The following ZNF845 variants were observed in gnomAD, a reference collection of about 807,000 sequenced individuals.
ZNF845 encodes zinc finger protein 845.
A neutral mutation model predicts 76.1 loss-of-function variants in ZNF845; 59 were observed. The observed-to-expected ratio is 0.78, with a 90% confidence interval of 0.63 to 0.96. ZNF845 has a LOEUF of 0.96. Among genes scored for constraint, ZNF845 ranks in the 40% least tolerant of loss-of-function variants. The probability of loss-of-function intolerance (pLI) is 0.00; values close to 1 mark genes in which losing one functional copy is unlikely to be tolerated. For missense variants in ZNF845, 1,045 were observed against 1,172.8 expected (o/e 0.89, Z 1.59); for synonymous variants, 361 against 386.9 (o/e 0.93, Z 0.78).
chr19:53,351,932 C>T lies in ZNF845; in HGVS notation c.1257C>T (p.Thr419=). Residue 419 remains threonine (T), a synonymous_variant, in exon 4 of 4, where the codon ACC becomes ACT. Transcript: ENST00000458035. ...KPYKCNDCGK[T]FSQMSSLVYH... is the part of the protein sequence containing the mutation. ...ATAAGTGTAATGATTGTGGCAAGAC[C>T]TTCAGTCAGATGTCATCCCTTGTAT... The T allele has an allele frequency of 6.2e-7, 1 of 1,613,472 alleles. No homozygotes were observed. Among genetic ancestry groups the T allele is most frequent in the Non-Finnish European group, 8.5e-7 (1 of 1,179,886 alleles).
chr19:53,352,360 G>T lies in ZNF845; in HGVS notation c.1685G>T (p.Gly562Val). 1.9e-6 allele frequency: 3 copies of T among 1,613,608 alleles called. No individual in the cohort carries two copies. Among genetic ancestry groups the T allele is most frequent in the Non-Finnish European group, 2.5e-6 (3 of 1,179,836 alleles). The change falls in exon 4 of 4, where the codon GGG becomes GTG. Residue 562 changes from glycine (G) to valine (V), a missense_variant. Transcript: ENST00000458035. ...AATGAGTGTGGCAAAGCCTTTCGTG[G>T]GCAGTCAGCACTTATTTACCATCAA... ...QCNECGKAFR[G>V]QSALIYHQAI... is the part of the protein sequence containing the mutation.
At chr19:53,342,749 G>T (rs2085265631) in intron 2 of ZNF845, among the ~76,000 whole-genome samples, 1 of 152,142 alleles carries the variant, frequency 6.6e-6, no homozygotes, top group Non-Finnish European at 1.5e-5. Context: ...GTAAAGTAGG[G>T]TCATCAGGGT....
chr19:53,353,313 C>G lies in ZNF845; in HGVS notation c.2638C>G (p.Leu880Val). ...AGCAAACCTTTCACGTCATCATAGACTTCATACTGGAGAGAAACCTTACAA... is the reference window on the plus strand; with the variant it reads ...AGCAAACCTTTCACGTCATCATAGAGTTCATACTGGAGAGAAACCTTACAA... Reference protein sequence around the residue: ...RKANLSRHHRLHTGEKPYKCN... With the variant: ...RKANLSRHHRVHTGEKPYKCN... The change falls in exon 4 of 4, where the codon CTT becomes GTT. Residue 880 changes from leucine to valine, a missense_variant. Transcript: ENST00000458035. 1 of 1,606,002 alleles carries G rather than the reference C, an allele frequency of 6.2e-7. No individual in the cohort carries two copies. The highest frequency in any genetic ancestry group is 8.5e-7 in the Non-Finnish European group (1 of 1,177,544).
At position 53,352,384 on chromosome 19, in the gene ZNF845, A is replaced by G; in HGVS notation, c.1709A>G (p.Gln570Arg). The change falls in exon 4 of 4, where the codon CAA becomes CGA. Residue 570 changes from glutamine to arginine, a missense_variant. Physicochemically the swap from Gln to Arg is conservative, Grantham distance 43. Transcript: ENST00000458035. The stretch of plus-strand genomic sequence containing the variant: ...GGGCAGTCAGCACTTATTTACCATC[A>G]AGCAATCCATGGTATAGGGAAACTT... ...FRGQSALIYH[Q>R]AIHGIGKLYK... The G allele has an allele frequency of 6.2e-7, 1 of 1,613,718 alleles. No homozygotes were observed. Among genetic ancestry groups the G allele is most frequent in the Non-Finnish European group, 8.5e-7 (1 of 1,179,798 alleles).
In ZNF845 at chr19:53,341,294, C is replaced by T. The variant is rs2085254866; in HGVS notation, c.-14C>T. Reference sequence around the variant, plus strand: ...GAAACCCGGAAGAGGAAGAGGAAAGCAAAGGAGTCAGGGATGGCTCTTTCT... The same window carrying T: ...GAAACCCGGAAGAGGAAGAGGAAAGTAAAGGAGTCAGGGATGGCTCTTTCT... On this transcript the variant is annotated 5_prime_UTR_variant, in exon 2 of 4. Coordinates refer to ENST00000458035, the MANE Select transcript of ZNF845 (RefSeq NM_138374.3). 6.2e-7 allele frequency: 1 copy of T among 1,613,934 alleles called. No homozygotes were observed. Among genetic ancestry groups the T allele is most frequent in the East Asian group, 2.2e-5 (1 of 44,866 alleles).
At chr19:53,347,722 T>C (rs1236699788) in intron 3 of ZNF845, among the ~76,000 whole-genome samples, 5 of 152,364 alleles carry the variant, frequency 3.3e-5, no homozygotes. Flanking sequence ...GAGATGTTCC[T>C]GTTCCTGTCT....
At chr19:53,349,089 A>G (rs1288908427) in intron 3 of ZNF845, among the ~76,000 whole-genome samples, 1 of 151,646 alleles carries the variant, frequency 6.6e-6, no homozygotes, top group African/African-American at 2.4e-5. Flanking sequence ...TGAACTCCTG[A>G]CCTTGTATCC....
rs940664422 is a variant in ZNF845 at position 53,345,479 on chromosome 19, T to G, written c.16-27T>G. 4.3e-6 allele frequency: 7 copies of G among 1,613,374 alleles called. No individual in the cohort carries two copies. In the African/African-American group the frequency reaches 6.7e-5, roughly 15 times the overall value. ...AAGATAAGAACTCCTCCCATAACCA[T>G]TTCCTTAAAATGTGTTTTCATTTCA... On this transcript the variant is annotated intron_variant, in intron 2 of 3. Coordinates refer to ENST00000458035, the MANE Select transcript of ZNF845 (RefSeq NM_138374.3).
intron 1 of ZNF845, among the ~76,000 whole-genome samples, chr19:53,338,187 T>C (rs939261383): frequency 6.6e-6 from 1 of 152,164 alleles, no homozygotes; most frequent in Non-Finnish European, 1.5e-5. Flanking sequence ...ACATTTCTTC[T>C]GGAAATTTCA....
chr19:53,345,729 G>A, intron 3 of ZNF845, 97 bp downstream of exon 3: 2 of 1,574,472 alleles, frequency 1.3e-6, no homozygotes, highest in South Asian at 1.2e-5. Flanking sequence ...GTCACCCAGG[G>A]TGGAGTGAAA....
chr19:53,351,936 A>G lies in ZNF845; in HGVS notation c.1261A>G (p.Ser421Gly), dbSNP rs754719954. Residue 421 changes from serine (S) to glycine (G), a missense_variant, in exon 4 of 4, where the codon AGT becomes GGT. Ser to Gly is a moderately conservative substitution (Grantham distance 56, BLOSUM62 0). Transcript: ENST00000458035. ...YKCNDCGKTF[S>G]QMSSLVYHRR... ...GTGTAATGATTGTGGCAAGACCTTC[A>G]GTCAGATGTCATCCCTTGTATACCA... is the stretch of plus-strand genomic sequence containing the variant. 9.3e-6 allele frequency: 15 copies of G among 1,613,792 alleles called. No homozygotes were observed. The highest frequency in any genetic ancestry group is 1.3e-5 in the Non-Finnish European group (15 of 1,179,944).
chr19:53,351,188 T>G lies in ZNF845; in HGVS notation c.513T>G (p.Ala171=). 1 of 1,614,230 alleles carries G rather than the reference T, an allele frequency of 6.2e-7. No individual in the cohort carries two copies. ...GNQVEKSINS[A]SLVSTSQRIS... ...AAGTTGAGAAGTCTATCAACAGTGCTTCGTTGGTTTCAACATCCCAAAGAA... is the reference window on the plus strand; with the variant it reads ...AAGTTGAGAAGTCTATCAACAGTGCGTCGTTGGTTTCAACATCCCAAAGAA... The change falls in exon 4 of 4, where the codon GCT becomes GCG. Residue 171 remains alanine, a synonymous_variant. Transcript: ENST00000458035.
chr19:53,353,844 G>A lies in ZNF845; in HGVS notation c.*256G>A, dbSNP rs1219367630. ...CATGGTATAGGGAAACTTTACTAAT[G>A]TAATGATTATCACAAAGTCTTCAGT... On this transcript the variant is annotated 3_prime_UTR_variant, in exon 4 of 4. Coordinates refer to ENST00000458035, the MANE Select transcript of ZNF845 (RefSeq NM_138374.3). 3 of 1,358,166 alleles carry A rather than the reference G, an allele frequency of 2.2e-6. No homozygotes were observed. The highest frequency in any genetic ancestry group is 1.5e-5 in the African/African-American group (1 of 68,490). The allele number at this position is 1,358,166 out of a possible 1,614,324, so 84.1% of individuals were successfully genotyped here. A position where few individuals can be genotyped will look rare whatever the true frequency, so the allele number is the denominator to read the frequency against.
chr19:53,344,604 A>ATTTTATTTTAT (rs371551119), intron 2 of ZNF845, among the ~76,000 whole-genome samples: 3 of 126,940 alleles, frequency 2.4e-5, no homozygotes, highest in Non-Finnish European at 3.3e-5. Flanking sequence ...ATTTTATTTT[A>ATTTTATTTTAT]TTTATTTTAT....
chr19:53,335,284 A>G (rs2085205289), intron 1 of ZNF845, among the ~76,000 whole-genome samples: 1 of 152,168 alleles, frequency 6.6e-6, no homozygotes, highest in African/African-American at 2.4e-5. Flanking sequence ...AGTTTGAGAC[A>G]GGGTCTGGCT....
intron 3 of ZNF845, among the ~76,000 whole-genome samples, chr19:53,348,846 AAT>A (rs1491441803): frequency 3.0e-5 from 4 of 133,842 alleles, no homozygotes; most frequent in African/African-American, 1.2e-4. Flanking sequence ...ATTGTTAGTC[AAT>A]TTTTTTTTTT....
chr19:53,348,601 A>G (rs1268049772), intron 3 of ZNF845, among the ~76,000 whole-genome samples: 1 of 152,226 alleles, frequency 6.6e-6, no homozygotes, highest in Non-Finnish European at 1.5e-5. Context: ...CTTTTGGCCA[A>G]TAAGAACATT....
chr19:53,339,055 G>C (rs187778372), intron 1 of ZNF845, among the ~76,000 whole-genome samples: 1 of 152,112 alleles, frequency 6.6e-6, no homozygotes, highest in Non-Finnish European at 1.5e-5. Context: ...AGCCGAGATC[G>C]CGCCATTGCA....
chr19:53,339,685 G>T (rs7259290), intron 1 of ZNF845, among the ~76,000 whole-genome samples: 16,761 of 152,188 alleles, frequency 0.11, 2,627 homozygotes, highest in African/African-American at 0.34. Flanking sequence ...CTGCAGAGTT[G>T]AGGTCAACCA....
Sources: allele counts gnomAD v4.1 joint callset (sites outside exome capture counted in the v4.1 genomes callset), GRCh38; gene constraint gnomAD v4.1.1; transcripts MANE v1.5; gene names NCBI Gene and HGNC (gene_info 2026-07-23, HGNC 2026-07-21).